MIPOL1: variants seen among roughly 807,000 people sequenced by gnomAD.
MIPOL1 encodes mirror-image polydactyly gene 1 protein.
In MIPOL1, 57 loss-of-function variants were observed where a neutral mutation model predicts 60.9. The observed-to-expected ratio is 0.94, with a 90% CI of 0.76 to 1.17. The LOEUF (loss-of-function observed/expected upper bound fraction) is 1.17, where lower values mean the gene tolerates loss of function less well. Ranked by LOEUF, MIPOL1 falls within the 50% of genes most tolerant of loss-of-function variation. MIPOL1 has a pLI of 0.00. For missense variants in MIPOL1, 551 were observed against 511.6 expected, an observed-to-expected ratio of 1.08 and a Z score of -0.74; for synonymous variants, 179 against 168.8, an observed-to-expected ratio of 1.06 and a Z score of -0.47.
chr14:37,421,043 T>C (rs1463680738), intron 10 of MIPOL1, among the ~76,000 whole-genome samples: 2 of 152,150 alleles, frequency 1.3e-5, no homozygotes, highest in Non-Finnish European at 2.9e-5. Context: ...AGTGAACTGT[T>C]ATAAAGCAAC....
chr14:37,454,217 T>C (rs980011463), intron 11 of MIPOL1, among the ~76,000 whole-genome samples: 4 of 152,178 alleles, frequency 2.6e-5, no homozygotes, highest in Non-Finnish European at 4.4e-5. Flanking sequence ...ACCAGAGCTA[T>C]GCTCATGGCT....
At chr14:37,453,042 G>A (rs1048193951) in intron 11 of MIPOL1, among the ~76,000 whole-genome samples, 4 of 152,154 alleles carry the variant, frequency 2.6e-5, no homozygotes, top group African/African-American at 9.7e-5. Context: ...ATGTTAGGAT[G>A]TGCATTTTAT....
At chr14:37,536,589 C>G (rs144354332) in intron 12 of MIPOL1, among the ~76,000 whole-genome samples, 24 of 152,254 alleles carry the variant, frequency 1.6e-4, no homozygotes, top group African/African-American at 5.8e-4. Context: ...AAGTATCATT[C>G]GGGTACATTT....
chr14:37,449,945 T>C (rs2094393664), intron 11 of MIPOL1, among the ~76,000 whole-genome samples: 1 of 152,120 alleles, frequency 6.6e-6, no homozygotes, highest in Non-Finnish European at 1.5e-5. Context: ...TTCGAGTAGC[T>C]GAGACTACAG....
At chr14:37,212,704 C>T (rs1966891132) in intron 1 of MIPOL1, among the ~76,000 whole-genome samples, 1 of 152,132 alleles carries the variant, frequency 6.6e-6, no homozygotes, top group South Asian at 2.1e-4. Flanking sequence ...CTGTAGAGTT[C>T]AAGGGTCTTG....
intron 11 of MIPOL1, among the ~76,000 whole-genome samples, chr14:37,452,150 G>T (rs1015184641): frequency 5.3e-5 from 8 of 152,050 alleles, no homozygotes; most frequent in African/African-American, 1.7e-4. Flanking sequence ...GACCATTAAA[G>T]ATTTGAGATG....
intron 10 of MIPOL1, among the ~76,000 whole-genome samples, chr14:37,381,782 A>T (rs2092932644): frequency 6.6e-6 from 1 of 150,636 alleles, no homozygotes; most frequent in Non-Finnish European, 1.5e-5. Context: ...TAGAGATGAG[A>T]TCTCACTATT....
chr14:37,256,152 G>T (rs1974888182), intron 3 of MIPOL1, among the ~76,000 whole-genome samples: 1 of 151,832 alleles, frequency 6.6e-6, no homozygotes, highest in Admixed American at 6.6e-5. Context: ...TCAAGCACAA[G>T]ATACCATTAT....
intron 11 of MIPOL1, among the ~76,000 whole-genome samples, chr14:37,477,546 C>T (rs1378117512): frequency 6.6e-6 from 1 of 152,008 alleles, no homozygotes; most frequent in African/African-American, 2.4e-5. Context: ...TTTAATGTCC[C>T]TGAGATCAGT....
chr14:37,491,012 A>G (rs1009987903), intron 11 of MIPOL1, among the ~76,000 whole-genome samples: 3 of 152,212 alleles, frequency 2.0e-5, no homozygotes, highest in Admixed American at 6.5e-5. Flanking sequence ...TTTTCATTTT[A>G]GTGATGCCCA....
chr14:37,391,216 GACAA>G (rs925470303), intron 10 of MIPOL1, among the ~76,000 whole-genome samples: 128 of 149,232 alleles, frequency 8.6e-4, no homozygotes, highest in African/African-American at 3.0e-3. Flanking sequence ...ACGTAGTTCA[GACAA>G]ACAAACTCCA....
intron 6 of MIPOL1, among the ~76,000 whole-genome samples, chr14:37,283,765 C>G (rs1263011833): frequency 2.0e-5 from 3 of 152,056 alleles, no homozygotes; most frequent in Non-Finnish European, 2.9e-5. Flanking sequence ...TGGTATTTTA[C>G]CCATTTTATA....
At position 37,482,283 on chromosome 14, in the gene MIPOL1, C is replaced by G. The variant is rs915200470; in HGVS notation, c.1032-17625C>G. On this transcript the variant is annotated intron_variant, in intron 11 of 12. Coordinates refer to ENST00000684589, the MANE Select transcript of MIPOL1 (RefSeq NM_001388067.1). ...GCAAGGGATTTGAATAGACACTTCT[C>G]AAAAGAAGGCATACAGATAGCCAGT... is the stretch of plus-strand genomic sequence containing the variant. 3.3e-5 allele frequency among the ~76,000 whole-genome samples: 5 copies of G among 152,070 alleles called. No homozygotes were observed. The South Asian group carries it at 6.2e-4, about 19-fold the overall frequency.
chr14:37,270,108 C>T (rs775226040), intron 5 of MIPOL1, among the ~76,000 whole-genome samples: 19 of 152,054 alleles, frequency 1.2e-4, no homozygotes, highest in Admixed American at 1.1e-3. Flanking sequence ...GGATTACAGG[C>T]GTGAGCAACC....
chr14:37,438,607 A>C (rs888974277), intron 11 of MIPOL1, among the ~76,000 whole-genome samples: 1 of 152,134 alleles, frequency 6.6e-6, no homozygotes, highest in African/African-American at 2.4e-5. Context: ...TTATTTCCCT[A>C]ATTTGGATAT....
chr14:37,425,635 G>A (rs1262848813), intron 11 of MIPOL1, among the ~76,000 whole-genome samples: 1 of 152,048 alleles, frequency 6.6e-6, no homozygotes, highest in Admixed American at 6.6e-5. Flanking sequence ...GTTGTTTTAG[G>A]TATATTCAGT....
chr14:37,281,054 G>A (rs566951124), intron 6 of MIPOL1, among the ~76,000 whole-genome samples: 16 of 152,198 alleles, frequency 1.1e-4, no homozygotes, highest in Non-Finnish European at 1.9e-4. Flanking sequence ...CTGCCTGTGC[G>A]TTTGGGGTCA....
chr14:37,523,730 G>C (rs2095428948), intron 12 of MIPOL1, among the ~76,000 whole-genome samples: 1 of 152,116 alleles, frequency 6.6e-6, no homozygotes, highest in Admixed American at 6.6e-5. Flanking sequence ...TGACCTCACT[G>C]TACCTTGACC....
chr14:37,267,169 A>G lies in MIPOL1; in HGVS notation c.251A>G (p.Asn84Ser), dbSNP rs1270392885. The change falls in exon 4 of 13, where the codon AAC becomes AGC. Residue 84 changes from asparagine (N) to serine (S), a missense_variant and splice_region_variant. Asn to Ser is a conservative substitution (Grantham distance 46, BLOSUM62 1). Transcript: ENST00000684589. Reference sequence around the variant, plus strand: ...GTTTACTGCACTACTGAAAAATACAAGTAAGTGCTCACAGCCTTAGATTTA... The same window carrying G: ...GTTTACTGCACTACTGAAAAATACAGGTAAGTGCTCACAGCCTTAGATTTA... Reference protein sequence around the residue: ...ESVYCTTEKYNVMEHRHNDMH... With the variant: ...ESVYCTTEKYSVMEHRHNDMH... 2 of 1,605,570 alleles carry G rather than the reference A, an allele frequency of 1.2e-6. No individual in the cohort carries two copies. Among genetic ancestry groups the G allele is most frequent in the African/African-American group, 1.3e-5 (1 of 74,740 alleles).
Sources: allele counts gnomAD v4.1 joint callset (sites outside exome capture counted in the v4.1 genomes callset), GRCh38; gene constraint gnomAD v4.1.1; transcripts MANE v1.5; gene names NCBI Gene and HGNC (gene_info 2026-07-23, HGNC 2026-07-21).